The following FILIP1L variants were observed in gnomAD, a reference collection of about 807,000 sequenced individuals.
FILIP1L encodes filamin A interacting protein 1 like.
FILIP1L carries 55 observed loss-of-function variants against 96.6 expected under a neutral mutation model. The ratio of observed to expected loss-of-function variants is 0.57; its 90% CI spans 0.46 to 0.71. FILIP1L has a LOEUF of 0.71. Among genes scored for constraint, FILIP1L ranks in the 30% least tolerant of loss-of-function variants. The pLI, the probability that FILIP1L is intolerant of heterozygous loss-of-function variation, is 0.00. For synonymous variants in FILIP1L, 467 were observed against 473.9 expected (o/e 0.99, Z 0.19); for missense variants, 1,304 against 1,321.2 (o/e 0.99, Z 0.20).
At chr3:100,110,406 C>T (rs979726207) in intron 1 of FILIP1L, among the ~76,000 whole-genome samples, 3 of 152,036 alleles carry the variant, frequency 2.0e-5, no homozygotes, top group African/African-American at 4.8e-5. Context: ...AGCTTTATCC[C>T]GTTTGCTATC....
At chr3:99,974,778 TGTA>T (rs922519276) in intron 1 of FILIP1L, among the ~76,000 whole-genome samples, 51 of 149,634 alleles carry the variant, frequency 3.4e-4, no homozygotes, top group African/African-American at 1.3e-3. Flanking sequence ...TTTGATGACA[TGTA>T]GTTAAAATTC....
chr3:99,971,567 A>G (rs1039915939), intron 1 of FILIP1L, among the ~76,000 whole-genome samples: 60 of 152,226 alleles, frequency 3.9e-4, no homozygotes, highest in Non-Finnish European at 6.8e-4. Flanking sequence ...CCTCACTTCC[A>G]AAATTCCCAC....
chr3:99,986,924 G>T (rs1709358247), intron 1 of FILIP1L, among the ~76,000 whole-genome samples: 1 of 152,174 alleles, frequency 6.6e-6, no homozygotes, highest in Non-Finnish European at 1.5e-5. Context: ...AACATATTAG[G>T]AGAGTATACA....
intron 4 of FILIP1L, among the ~76,000 whole-genome samples, chr3:99,918,878 G>A (rs1465156366): frequency 6.6e-6 from 1 of 152,144 alleles, no homozygotes; most frequent in Non-Finnish European, 1.5e-5. Context: ...AGGTCAAATG[G>A]AGATCTGGCA....
At chr3:99,878,326 A>G (rs749833934) in intron 4 of FILIP1L, among the ~76,000 whole-genome samples, 3 of 152,202 alleles carry the variant, frequency 2.0e-5, no homozygotes, top group Non-Finnish European at 4.4e-5. Context: ...TTCACAACAC[A>G]TTTTGATGTG....
intron 1 of FILIP1L, among the ~76,000 whole-genome samples, chr3:99,953,576 A>G (rs1337984341): frequency 1.3e-5 from 2 of 152,206 alleles, no homozygotes; most frequent in African/African-American, 4.8e-5. Flanking sequence ...TTGCATTTTT[A>G]AAGAATTCAA....
intron 4 of FILIP1L, among the ~76,000 whole-genome samples, chr3:99,901,027 G>A (rs1706418823): frequency 6.6e-6 from 1 of 152,218 alleles, no homozygotes; most frequent in Admixed American, 6.5e-5. Context: ...TATGAAGGCA[G>A]GCAGGGAATA....
intron 1 of FILIP1L, among the ~76,000 whole-genome samples, chr3:99,956,670 T>A (rs1708329024): frequency 2.0e-5 from 3 of 152,234 alleles, no homozygotes; most frequent in Admixed American, 1.3e-4. Context: ...CTTTGGATCA[T>A]AAGCATCGCC....
chr3:100,012,830 T>C (rs1398161218), intron 1 of FILIP1L, among the ~76,000 whole-genome samples: 4 of 149,466 alleles, frequency 2.7e-5, no homozygotes, highest in Non-Finnish European at 5.9e-5. Context: ...TGGAGTGCAG[T>C]AGCATGATCC....
At chr3:100,081,181 C>G (rs1397127605) in intron 1 of FILIP1L, among the ~76,000 whole-genome samples, 1 of 152,180 alleles carries the variant, frequency 6.6e-6, no homozygotes, top group Non-Finnish European at 1.5e-5. Flanking sequence ...AATCCTCTCT[C>G]AAGATGGAAC....
intron 1 of FILIP1L, among the ~76,000 whole-genome samples, chr3:99,998,448 G>A (rs1474364573): frequency 6.6e-6 from 1 of 152,158 alleles, no homozygotes; most frequent in Non-Finnish European, 1.5e-5. Flanking sequence ...CTCAAAGAAT[G>A]TACATTTTTG....
In FILIP1L at chr3:99,850,810, G is replaced by T; in HGVS notation, c.866C>A (p.Thr289Asn). Residue 289 changes from threonine (T) to asparagine (N), a missense_variant, in exon 5 of 6, where the codon ACC (threonine) becomes AAC (asparagine). Physicochemically the swap from Thr to Asn is moderately conservative, Grantham distance 65. Coordinates refer to ENST00000477258, the MANE Select transcript of FILIP1L (RefSeq NM_001387850.1). ...CGTTTGCAGTTCCTTCTCTAGTCTG[G>T]TTGCCTTCTGCTCTTCCTCCTGAAC... Reference protein sequence around the residue: ...ARVQEEEQKATRLEKELQTQT... With the variant: ...ARVQEEEQKANRLEKELQTQT... The T allele has an allele frequency of 1.2e-6, 2 of 1,614,152 alleles. No individual in the cohort carries two copies. The highest frequency in any genetic ancestry group is 1.1e-5 in the South Asian group (1 of 91,080).
rs1372637069 is a variant in FILIP1L, at chr3:100,069,997, A to G, written c.-11+44056T>C. Among the ~76,000 whole-genome samples the G allele has an allele frequency of 3.3e-5, 5 of 152,190 alleles. No individual in the cohort carries two copies. The South Asian group carries it at 8.3e-4, about 25-fold the overall frequency. ...CCTTTTTTTTCCTTTTATTTCAAACATAATTCTTGTTTGATCCTCAAATAA... is the reference window on the plus strand; with the variant it reads ...CCTTTTTTTTCCTTTTATTTCAAACGTAATTCTTGTTTGATCCTCAAATAA... On this transcript the variant is annotated intron_variant, in intron 1 of 5. Transcript: ENST00000477258.
chr3:100,082,120 T>C (rs2065941654), intron 1 of FILIP1L, among the ~76,000 whole-genome samples: 1 of 152,244 alleles, frequency 6.6e-6, no homozygotes. Flanking sequence ...GTTCAGTCTT[T>C]AAAATGAAAT....
chr3:99,850,911 A>C lies in FILIP1L; in HGVS notation c.765T>G (p.Leu255=). The change falls in exon 5 of 6, where the codon CTT becomes CTG. Residue 255 remains leucine, a synonymous_variant. Transcript: ENST00000477258. ...TCAGCTCTTGGATTTTCTGTCTTTG[A>C]AGGGTGAGCTGTGCCGTCAGCCTTT... is the stretch of plus-strand genomic sequence containing the variant. ...EQQRLTAQLT[L]QRQKIQELTT... The C allele has an allele frequency of 6.2e-7, 1 of 1,614,104 alleles. No individual in the cohort carries two copies. Among genetic ancestry groups the C allele is most frequent in the Non-Finnish European group, 8.5e-7 (1 of 1,180,014 alleles).
chr3:100,037,968 G>A (rs6440989), intron 1 of FILIP1L, among the ~76,000 whole-genome samples: 3,720 of 14,944 alleles, frequency 0.25, 313 homozygotes, highest in East Asian at 0.41. Flanking sequence ...GGGGGGGAGG[G>A]AACAGAGTCT....
At chr3:100,072,339 A>T (rs958036679) in intron 1 of FILIP1L, among the ~76,000 whole-genome samples, 1 of 152,184 alleles carries the variant, frequency 6.6e-6, no homozygotes, top group East Asian at 1.9e-4. Context: ...TGCATTTCCA[A>T]ATCTGGGCTC....
chr3:99,870,266 C>T (rs946736882), intron 4 of FILIP1L, among the ~76,000 whole-genome samples: 8 of 152,238 alleles, frequency 5.3e-5, no homozygotes, highest in Non-Finnish European at 1.0e-4. Flanking sequence ...TCTGATTTAT[C>T]CACCCATTAT....
At chr3:100,058,013 GTT>G (rs1202193518) in intron 1 of FILIP1L, among the ~76,000 whole-genome samples, 2 of 152,198 alleles carry the variant, frequency 1.3e-5, no homozygotes, top group Non-Finnish European at 2.9e-5. Flanking sequence ...TATGCTAAGT[GTT>G]TGTGTCCATT....
Sources: gnomAD v4.1 joint callset for allele counts (sites outside exome capture counted in the v4.1 genomes callset) on GRCh38, gnomAD v4.1.1 for gene constraint, MANE v1.5 for transcripts, NCBI Gene and HGNC (gene_info 2026-07-23, HGNC 2026-07-21) for gene names.